The following WDR7 variants were observed in gnomAD, a reference collection of about 807,000 sequenced individuals.
WDR7 encodes WD repeat domain 7.
WDR7 carries 46 observed loss-of-function variants against 169.4 expected under a neutral mutation model. The observed-to-expected ratio is 0.27, with a 90% CI of 0.21 to 0.35. The LOEUF (loss-of-function observed/expected upper bound fraction) is 0.35. Ranked by LOEUF, WDR7 falls within the 10% of genes least tolerant of loss-of-function variation. WDR7 has a pLI of 1.00. For synonymous variants in WDR7, 612 were observed against 666.8 expected (o/e 0.92, Z 1.27); for missense variants, 1,534 against 1,859.3 (o/e 0.83, Z 3.22).
intron 21 of WDR7, among the ~76,000 whole-genome samples, chr18:56,915,530 C>G (rs991025305): frequency 6.6e-6 from 1 of 152,130 alleles, no homozygotes; most frequent in African/African-American, 2.4e-5. Context: ...CTTCACTATT[C>G]AGATCCAGCA....
At chr18:56,882,987 C>T (rs2046131665) in intron 21 of WDR7, among the ~76,000 whole-genome samples, 1 of 152,090 alleles carries the variant, frequency 6.6e-6, no homozygotes, top group African/African-American at 2.4e-5. Context: ...CTTTGGGAGG[C>T]CGAGGTGGGT....
At chr18:56,972,838 GT>G (rs1010783828) in intron 26 of WDR7, among the ~76,000 whole-genome samples, 8 of 151,034 alleles carry the variant, frequency 5.3e-5, no homozygotes, top group Non-Finnish European at 8.9e-5. Context: ...GTACTTCTTG[GT>G]TTTTTTTTGT....
At chr18:56,996,308 T>C (rs939049756) in intron 26 of WDR7, among the ~76,000 whole-genome samples, 1 of 152,194 alleles carries the variant, frequency 6.6e-6, no homozygotes, top group African/African-American at 2.4e-5. Flanking sequence ...TTAGATTCTA[T>C]ATAAAGCATG....
At chr18:56,914,636 A>G (rs1246339312) in intron 21 of WDR7, among the ~76,000 whole-genome samples, 3 of 152,180 alleles carry the variant, frequency 2.0e-5, no homozygotes, top group Admixed American at 1.3e-4. Context: ...TTAAAGATTC[A>G]GTAGGTTAAT....
chr18:56,851,180 T>A (rs892848319), intron 20 of WDR7, among the ~76,000 whole-genome samples: 1 of 152,152 alleles, frequency 6.6e-6, no homozygotes, highest in African/African-American at 2.4e-5. Flanking sequence ...GTAGTAAAAT[T>A]AAAAATTTTC....
intron 25 of WDR7, among the ~76,000 whole-genome samples, chr18:56,945,128 T>G (rs1187430079): frequency 6.6e-6 from 1 of 152,114 alleles, no homozygotes; most frequent in Non-Finnish European, 1.5e-5. Flanking sequence ...GCTTTGAAAG[T>G]GATCATCAAA....
chr18:56,839,227 A>G (rs1361092631), intron 20 of WDR7, among the ~76,000 whole-genome samples: 3 of 152,148 alleles, frequency 2.0e-5, no homozygotes, highest in Non-Finnish European at 2.9e-5. Flanking sequence ...CAGGGTCTGC[A>G]TAAATTATTT....
chr18:56,773,456 C>T (rs941010599), intron 16 of WDR7, among the ~76,000 whole-genome samples: 3 of 151,526 alleles, frequency 2.0e-5, no homozygotes, highest in Admixed American at 6.6e-5. Flanking sequence ...TAGGAAATAT[C>T]GAATGGGAAT....
At chr18:56,712,052 C>A (rs1388395717) in intron 12 of WDR7, among the ~76,000 whole-genome samples, 2 of 152,028 alleles carry the variant, frequency 1.3e-5, no homozygotes, top group African/African-American at 2.4e-5. Flanking sequence ...GCACATAAGA[C>A]CATTGCTTCT....
rs2046740787 is a variant in WDR7 at position 56,922,457 on chromosome 18, T to C, written c.3527-1465T>C. ...GTGTGTTACCTTTTTTAAAGGAGTT[T>C]AATATTTTTCTGATCCAAAAGTAAA... is the stretch of plus-strand genomic sequence containing the variant. On this transcript the variant is annotated intron_variant, in intron 21 of 27. Coordinates refer to ENST00000254442, the MANE Select transcript of WDR7 (RefSeq NM_015285.3). 2.6e-5 allele frequency among the ~76,000 whole-genome samples: 4 copies of C among 152,198 alleles called. 1 individual carries two copies. The South Asian group carries it at 8.3e-4, about 31-fold the overall frequency.
chr18:56,942,524 G>A (rs2047048018), intron 25 of WDR7, among the ~76,000 whole-genome samples: 1 of 152,132 alleles, frequency 6.6e-6, no homozygotes. Context: ...TCATCAGGGT[G>A]GTCCTGGTAA....
In WDR7 at chr18:56,821,299, A is replaced by G. The variant is rs576879023; in HGVS notation, c.3304+5155A>G. On this transcript the variant is annotated intron_variant, in intron 20 of 27. Coordinates refer to ENST00000254442, the MANE Select transcript of WDR7 (RefSeq NM_015285.3). ...ATCACTTGACAACTTTCTTTTATCA[A>G]GCACATTACACATGAGCCTTATGAA... Among the ~76,000 whole-genome samples the G allele has an allele frequency of 3.3e-5, 5 of 152,350 alleles. No homozygotes were observed. In the South Asian group the frequency reaches 1.0e-3, roughly 32 times the overall value.
At chr18:56,759,240 G>A (rs775607652) in intron 16 of WDR7, among the ~76,000 whole-genome samples, 1 of 152,080 alleles carries the variant, frequency 6.6e-6, no homozygotes, top group Non-Finnish European at 1.5e-5. Context: ...TGTTTTAATT[G>A]TGTGTTTCTT....
At chr18:56,876,064 C>T (rs1481996035) in intron 20 of WDR7, among the ~76,000 whole-genome samples, 3 of 152,156 alleles carry the variant, frequency 2.0e-5, no homozygotes, top group Non-Finnish European at 2.9e-5. Flanking sequence ...GGTTAGAAGT[C>T]TTCAGCTTGC....
intron 7 of WDR7, among the ~76,000 whole-genome samples, chr18:56,688,908 A>G (rs2025505914): frequency 6.6e-6 from 1 of 152,204 alleles, no homozygotes; most frequent in African/African-American, 2.4e-5. Flanking sequence ...TAAGAGTAAA[A>G]AGACAACTCA....
rs2026368086 is a variant in WDR7 at position 56,723,442 on chromosome 18, ACT to A, written c.1774+5286_1774+5287del. Among the ~76,000 whole-genome samples the A allele has an allele frequency of 2.6e-5, 4 of 151,032 alleles. No homozygotes were observed. In the South Asian group the frequency reaches 6.3e-4, roughly 24 times the overall value. ...TTCAGCTTTTGCATGTTTGAAAAAA[ACT>A]CTATTTTATCTTCATTTTTAAAGGC... On this transcript the variant is annotated intron_variant, in intron 13 of 27. Coordinates refer to ENST00000254442, the MANE Select transcript of WDR7 (RefSeq NM_015285.3).
intron 26 of WDR7, among the ~76,000 whole-genome samples, chr18:56,977,120 TA>T (rs1393652218): frequency 1.3e-5 from 2 of 152,326 alleles, no homozygotes; most frequent in East Asian, 3.9e-4. Flanking sequence ...CAAGCCAATG[TA>T]TGTAAGATAT....
chr18:56,891,940 G>C (rs1409872311), intron 21 of WDR7, among the ~76,000 whole-genome samples: 2 of 151,926 alleles, frequency 1.3e-5, no homozygotes, highest in African/African-American at 4.8e-5. Flanking sequence ...AGTTCAGATT[G>C]GATGGAAGTT....
chr18:57,025,103 C>T (rs1022889558), intron 27 of WDR7, among the ~76,000 whole-genome samples: 5 of 152,120 alleles, frequency 3.3e-5, no homozygotes, highest in Non-Finnish European at 7.4e-5. Context: ...AGCTCTCAAC[C>T]CATTTTTTGT....
Sources: allele counts gnomAD v4.1 joint callset (sites outside exome capture counted in the v4.1 genomes callset), GRCh38; gene constraint gnomAD v4.1.1; transcripts MANE v1.5; gene names NCBI Gene and HGNC (gene_info 2026-07-23, HGNC 2026-07-21).